Variants in NUBP1 observed in about 807,000 individuals in gnomAD.
The protein encoded by NUBP1 is cytosolic Fe-S cluster assembly factor NUBP1.
In NUBP1, 46 loss-of-function variants were observed where a neutral mutation model predicts 41.8. The ratio of observed to expected loss-of-function variants is 1.10; its 90% confidence interval spans 0.87 to 1.41. The LOEUF is 1.41. NUBP1 is among the 40% of genes most tolerant of loss of function. The pLI is 0.00. For missense variants in NUBP1, 494 were observed against 414.0 expected (o/e 1.19, Z -1.68); for synonymous variants, 189 against 154.6 (o/e 1.22, Z -1.65).
At position 10,768,103 on chromosome 16, in the gene NUBP1, T is replaced by C; in HGVS notation, c.904+71T>C. 1 of 1,455,046 alleles carries C rather than the reference T, an allele frequency of 6.9e-7. No homozygotes were observed. The highest frequency in any genetic ancestry group is 1.1e-5 in the South Asian group (1 of 87,848). 90.1% of individuals were successfully genotyped at this position (1,455,046 alleles called of 1,614,324 possible). A position where few individuals can be genotyped will look rare whatever the true frequency, so the allele number is the denominator to read the frequency against. ...AAGCAACATAAAGGAGCCAGGGGTG[T>C]GGAAGGACAGGTGGGTGGTGGGGTC... On this transcript the variant is annotated intron_variant, in intron 10 of 10. Coordinates refer to ENST00000283027, the MANE Select transcript of NUBP1 (RefSeq NM_002484.4). The surrounding 1 kb of genome is among the most constrained non-coding windows in gnomAD (Gnocchi z 4.3).
rs553272992 is a variant in NUBP1, at chr16:10,759,360, C to T, written c.606+1333C>T. ...ATCCTGCAGAGAGGGGACATGGGGACGCAAGGAGGAGCAGGACACCAGCTG... is the reference window on the plus strand; with the variant it reads ...ATCCTGCAGAGAGGGGACATGGGGATGCAAGGAGGAGCAGGACACCAGCTG... On this transcript the variant is annotated intron_variant, in intron 7 of 10. Transcript: ENST00000283027. The surrounding 1 kb of genome is among the most constrained non-coding windows in gnomAD (Gnocchi z 4.7). 5.9e-5 allele frequency among the ~76,000 whole-genome samples: 9 copies of T among 152,276 alleles called. No individual in the cohort carries two copies. Among genetic ancestry groups the T allele is most frequent in the South Asian group, 2.1e-4 (1 of 4,830 alleles).
chr16:10,768,063 TGC>T lies in NUBP1; in HGVS notation c.904+32_904+33del, dbSNP rs1266947122. ...TATTTCCATGAGTACTAAATGCAGATGCCTGTGGGGCAGGAAGCAACATAAAG... is the reference window on the plus strand; with the variant it reads ...TATTTCCATGAGTACTAAATGCAGATCTGTGGGGCAGGAAGCAACATAAAG... On this transcript the variant is annotated intron_variant, in intron 10 of 10. Coordinates refer to ENST00000283027, the MANE Select transcript of NUBP1 (RefSeq NM_002484.4). This position sits in a 1 kb window ranked among gnomAD's most constrained non-coding sequence, Gnocchi z 4.3. 6.2e-7 allele frequency: 1 copy of T among 1,600,688 alleles called. No homozygotes were observed. Among genetic ancestry groups the T allele is most frequent in the South Asian group, 1.1e-5 (1 of 90,784 alleles).
intron 9 of NUBP1, chr16:10,763,474 C>T (rs966588543): frequency 6.6e-6 from 1 of 152,288 alleles, no homozygotes; most frequent in African/African-American, 2.4e-5. Context: ...TCCCACAATA[C>T]TTCTCTGGCA....
In NUBP1 at chr16:10,768,289, C is replaced by A; in HGVS notation, c.904+257C>A. 112 of 219,990 alleles carry A rather than the reference C, an allele frequency of 5.1e-4. No homozygotes were observed. Among genetic ancestry groups the A allele is most frequent in the East Asian group, 7.4e-4 (8 of 10,788 alleles). The allele number at this position is 219,990 out of a possible 1,614,324, so 13.6% of individuals were successfully genotyped here. A position where few individuals can be genotyped will look rare whatever the true frequency, so the allele number is the denominator to read the frequency against. Reference sequence around the variant, plus strand: ...ATCCCAATAAAGGGATAAAGTAATTCATTTTTAAAAGTAACTGATAAAAAA... The same window carrying A: ...ATCCCAATAAAGGGATAAAGTAATTAATTTTTAAAAGTAACTGATAAAAAA... On this transcript the variant is annotated intron_variant, in intron 10 of 10. Transcript: ENST00000283027. This position sits in a 1 kb window ranked among gnomAD's most constrained non-coding sequence, Gnocchi z 4.3.
rs367652655 is a variant in NUBP1, at chr16:10,757,952, G to A, written c.531G>A (p.Ser177=). ...TTGTGGACACCCCACCTGGGACGTC[G>A]GATGAACACCTCTCGGTCGTCCGGT... ...YLIVDTPPGT[S]DEHLSVVRYL... Residue 177 remains serine (S), a synonymous_variant, in exon 7 of 11, where the codon TCG becomes TCA. Transcript: ENST00000283027. The surrounding 1 kb of genome is among the most constrained non-coding windows in gnomAD (Gnocchi z 4.1). 98 of 1,613,938 alleles carry A rather than the reference G, an allele frequency of 6.1e-5. 1 individual carries two copies. Among genetic ancestry groups the A allele is most frequent in the East Asian group, 2.0e-4 (9 of 44,898 alleles).
At position 10,747,418 on chromosome 16, in the gene NUBP1, G is replaced by C. The variant is rs534565131; in HGVS notation, c.258+142G>C. ...GGAGGCCAAGGCGGGCAGATCACTT[G>C]AGGCCAGGAGTTTGAGATCAGCCTG... On this transcript the variant is annotated intron_variant, in intron 3 of 10. Coordinates refer to ENST00000283027, the MANE Select transcript of NUBP1 (RefSeq NM_002484.4). 1,295 of 1,068,798 alleles carry C rather than the reference G, an allele frequency of 1.2e-3. 16 individuals carry two copies. The highest frequency in any genetic ancestry group is 9.3e-3 in the South Asian group (587 of 63,440). The allele number at this position is 1,068,798 out of a possible 1,614,324, so 66.2% of individuals were successfully genotyped here. A position where few individuals can be genotyped will look rare whatever the true frequency, so the allele number is the denominator to read the frequency against.
intron 9 of NUBP1, among the ~76,000 whole-genome samples, chr16:10,763,328 G>T (rs1335364766): frequency 6.6e-6 from 1 of 152,052 alleles, no homozygotes; most frequent in South Asian, 2.1e-4. Context: ...AGTGTTGGGG[G>T]ATGGCTGCCT....
In NUBP1 at chr16:10,756,592, T is replaced by C. The variant is rs944186238; in HGVS notation, c.361-98T>C. 48 of 802,398 alleles carry C rather than the reference T, an allele frequency of 6.0e-5. No individual in the cohort carries two copies. In the African/African-American group the frequency reaches 7.9e-4, roughly 13 times the overall value. The allele number at this position is 802,398 out of a possible 1,614,324, so 49.7% of individuals were successfully genotyped here. ...ACATGGTAGTTTTGTCCTGAAAATGTTTTTTTCAGTCAGAGCTCAAACAGA... is the reference window on the plus strand; with the variant it reads ...ACATGGTAGTTTTGTCCTGAAAATGCTTTTTTCAGTCAGAGCTCAAACAGA... On this transcript the variant is annotated intron_variant, in intron 5 of 10. Transcript: ENST00000283027.
At chr16:10,745,516 C>G (rs1481139019) in intron 2 of NUBP1, among the ~76,000 whole-genome samples, 1 of 152,136 alleles carries the variant, frequency 6.6e-6, no homozygotes, top group Admixed American at 6.5e-5. Context: ...AGAGACTGAA[C>G]TGAGCCTCAG....
Position 10,749,126 on chromosome 16 carries a change from T to TACACACACACACAC in NUBP1, c.258+1881_258+1894dup, listed in dbSNP as rs58201009. Among the ~76,000 whole-genome samples the TACACACACACACAC allele has an allele frequency of 4.1e-5, 5 of 121,066 alleles. No individual in the cohort carries two copies. The highest frequency in any genetic ancestry group is 6.2e-5 in the African/African-American group (2 of 32,228). 79.4% of individuals were successfully genotyped at this position (121,066 alleles called of 152,430 possible). A position where few individuals can be genotyped will look rare whatever the true frequency, so the allele number is the denominator to read the frequency against. ...GGATATAGATAGATACACAGACACA[T>TACACACACACACAC]ACACACACACACACACACACACACA... On this transcript the variant is annotated intron_variant, in intron 3 of 10. Coordinates refer to ENST00000283027, the MANE Select transcript of NUBP1 (RefSeq NM_002484.4). This position sits in a 1 kb window ranked among gnomAD's most constrained non-coding sequence, Gnocchi z 4.1.
intron 9 of NUBP1, among the ~76,000 whole-genome samples, chr16:10,762,788 G>T (rs1307433895): frequency 6.6e-6 from 1 of 150,610 alleles, no homozygotes; most frequent in Non-Finnish European, 1.5e-5. Context: ...AGTATGGCCT[G>T]GCCAGGAGAG....
At position 10,749,153 on chromosome 16, in the gene NUBP1, A is replaced by T. The variant is rs913363444; in HGVS notation, c.258+1877A>T. 6.7e-6 allele frequency among the ~76,000 whole-genome samples: 1 copy of T among 148,650 alleles called. No homozygotes were observed. Among genetic ancestry groups the T allele is most frequent in the Non-Finnish European group, 1.5e-5 (1 of 66,306 alleles). ...CACACACACACACACACACACACAC[A>T]CACACACACACACACACGTTGATTC... is the stretch of plus-strand genomic sequence containing the variant. On this transcript the variant is annotated intron_variant, in intron 3 of 10. Coordinates refer to ENST00000283027, the MANE Select transcript of NUBP1 (RefSeq NM_002484.4). This position sits in a 1 kb window ranked among gnomAD's most constrained non-coding sequence, Gnocchi z 4.1.
intron 2 of NUBP1, among the ~76,000 whole-genome samples, chr16:10,744,480 T>C (rs565942770): frequency 7.9e-4 from 120 of 152,316 alleles, no homozygotes; most frequent in South Asian, 1.4e-3. Context: ...TGACACAATT[T>C]TCTTCCTTTT....
At chr16:10,764,366 A>C (rs994482111) in intron 9 of NUBP1, among the ~76,000 whole-genome samples, 2 of 151,636 alleles carry the variant, frequency 1.3e-5, no homozygotes, top group Non-Finnish European at 2.9e-5. Context: ...AGTCTGCTGG[A>C]GTATGCCAGT....
intron 3 of NUBP1, among the ~76,000 whole-genome samples, chr16:10,752,339 G>C (rs140459660): frequency 6.6e-6 from 1 of 152,212 alleles, no homozygotes; most frequent in East Asian, 1.9e-4. Flanking sequence ...GTCTGAGCCC[G>C]AGCCTCCAAG....
chr16:10,756,636 C>A, intron 5 of NUBP1, 54 bp from the exon 6 acceptor site: 1 of 1,350,406 alleles, frequency 7.4e-7, no homozygotes, highest in Non-Finnish European at 1.0e-6. Flanking sequence ...GGGAGGGCCT[C>A]ACTGTGTGGT....
At chr16:10,750,194 C>T (rs1298540377) in intron 3 of NUBP1, among the ~76,000 whole-genome samples, 1 of 152,098 alleles carries the variant, frequency 6.6e-6, no homozygotes, top group African/African-American at 2.4e-5. Flanking sequence ...TGAGACTCTA[C>T]CTCAAAAACA....
rs8044084 is a variant in NUBP1, at chr16:10,749,225, G to A, written c.258+1949G>A. 2.0e-3 allele frequency among the ~76,000 whole-genome samples: 302 copies of A among 151,420 alleles called. 2 individuals carry two copies. Among genetic ancestry groups the A allele is most frequent in the African/African-American group, 6.2e-3 (254 of 41,112 alleles). On this transcript the variant is annotated intron_variant, in intron 3 of 10. Coordinates refer to ENST00000283027, the MANE Select transcript of NUBP1 (RefSeq NM_002484.4). The surrounding 1 kb of genome is among the most constrained non-coding windows in gnomAD (Gnocchi z 4.1). ...CTCTTGCCATTTGAGGGTCAAATCT[G>A]TACTGGCCTAGTGGGCTGGCCAAGA...
rs1900208797 is a variant in NUBP1 at position 10,749,236 on chromosome 16, G to C, written c.258+1960G>C. The stretch of plus-strand genomic sequence containing the variant: ...TGAGGGTCAAATCTGTACTGGCCTA[G>C]TGGGCTGGCCAAGAAATCTGCTTTC... On this transcript the variant is annotated intron_variant, in intron 3 of 10. Transcript: ENST00000283027. The surrounding 1 kb of genome is among the most constrained non-coding windows in gnomAD (Gnocchi z 4.1). 6.6e-6 allele frequency among the ~76,000 whole-genome samples: 1 copy of C among 151,840 alleles called. No individual in the cohort carries two copies.
Sources: gnomAD v4.1 joint callset for allele counts (sites outside exome capture counted in the v4.1 genomes callset) on GRCh38, gnomAD v4.1.1 for gene constraint, Gnocchi (gnomAD v3.1) non-coding constraint, MANE v1.5 for transcripts, NCBI Gene and HGNC (gene_info 2026-07-23, HGNC 2026-07-21) for gene names.